The following SPAG16 variants were observed in gnomAD, a reference collection of about 807,000 sequenced individuals.
The protein encoded by SPAG16 is sperm-associated antigen 16 protein.
In SPAG16, 86 loss-of-function variants were observed where a neutral mutation model predicts 80.4. The observed-to-expected ratio is 1.07, with a 90% CI of 0.90 to 1.28. The LOEUF is 1.28. Ranked by LOEUF, SPAG16 falls within the 50% of genes most tolerant of loss-of-function variation. SPAG16 has a pLI of 0.00. For synonymous variants in SPAG16, 294 were observed against 265.9 expected, an observed-to-expected ratio of 1.11 and a Z score of -1.03; for missense variants, 870 against 765.3, an observed-to-expected ratio of 1.14 and a Z score of -1.61.
intron 9 of SPAG16, among the ~76,000 whole-genome samples, chr2:213,377,308 C>T (rs1174739881): frequency 6.6e-6 from 1 of 152,170 alleles, no homozygotes; most frequent in Non-Finnish European, 1.5e-5. Context: ...ACAACTAGAA[C>T]AGTGAGGTGT....
At chr2:214,323,321 AATAT>A (rs10564214) in intron 15 of SPAG16, among the ~76,000 whole-genome samples, 138,532 of 149,820 alleles carry the variant, frequency 0.92, 64,017 homozygotes, top group East Asian at 0.97. Flanking sequence ...TGTGAGATTA[AATAT>A]ATATATATAT....
At chr2:213,981,427 C>T (rs1213566816) in intron 12 of SPAG16, among the ~76,000 whole-genome samples, 5 of 152,072 alleles carry the variant, frequency 3.3e-5, no homozygotes, top group Non-Finnish European at 1.5e-5. Flanking sequence ...CAGTATCAAT[C>T]CAGACAGTGA....
At chr2:214,120,040 A>C (rs560245336) in intron 14 of SPAG16, among the ~76,000 whole-genome samples, 1 of 151,764 alleles carries the variant, frequency 6.6e-6, no homozygotes, top group Non-Finnish European at 1.5e-5. Context: ...TCTGGACTTG[A>C]TGTGTCTTCT....
intron 5 of SPAG16, among the ~76,000 whole-genome samples, chr2:213,328,230 G>A (rs924105404): frequency 6.6e-6 from 1 of 152,076 alleles, no homozygotes. Context: ...ATGCTTTAGA[G>A]CTAACTTGTT....
intron 10 of SPAG16, among the ~76,000 whole-genome samples, chr2:213,774,567 C>A (rs936780505): frequency 5.3e-5 from 8 of 152,108 alleles, no homozygotes; most frequent in African/African-American, 1.9e-4. Context: ...AGTTCATATT[C>A]TGAGTTAATG....
chr2:213,949,538 T>A (rs2079643124), intron 12 of SPAG16, among the ~76,000 whole-genome samples: 1 of 152,172 alleles, frequency 6.6e-6, no homozygotes, highest in Non-Finnish European at 1.5e-5. Flanking sequence ...TAAAAACATT[T>A]TGCCAAACAG....
At chr2:213,904,819 G>A (rs2077371268) in intron 11 of SPAG16, among the ~76,000 whole-genome samples, 1 of 152,030 alleles carries the variant, frequency 6.6e-6, no homozygotes, top group South Asian at 2.1e-4. Context: ...GAGATGAGTA[G>A]AAGGAGAAGA....
chr2:214,169,827 G>A (rs1223709420), intron 15 of SPAG16, among the ~76,000 whole-genome samples: 1 of 151,978 alleles, frequency 6.6e-6, no homozygotes, highest in Non-Finnish European at 1.5e-5. Flanking sequence ...AGTGAACTTG[G>A]TGATGAACAA....
At chr2:213,462,301 G>T (rs1048744410) in intron 9 of SPAG16, among the ~76,000 whole-genome samples, 43 of 152,146 alleles carry the variant, frequency 2.8e-4, no homozygotes, top group African/African-American at 9.4e-4. Context: ...AATTTCAGCT[G>T]GACACTATTA....
chr2:213,955,609 A>G (rs922948107), intron 12 of SPAG16, among the ~76,000 whole-genome samples: 3 of 152,180 alleles, frequency 2.0e-5, no homozygotes, highest in African/African-American at 7.2e-5. Context: ...TTTTGAAGTC[A>G]GGATTTTCCA....
intron 10 of SPAG16, among the ~76,000 whole-genome samples, chr2:213,691,651 CTGTT>C (rs1427563609): frequency 1.3e-5 from 2 of 152,224 alleles, no homozygotes; most frequent in African/African-American, 2.4e-5. Flanking sequence ...GCTAGAAACT[CTGTT>C]TGCCCTGCAC....
chr2:213,957,926 C>T (rs972431609), intron 12 of SPAG16, among the ~76,000 whole-genome samples: 1 of 152,114 alleles, frequency 6.6e-6, no homozygotes, highest in Non-Finnish European at 1.5e-5. Context: ...CTAGAAAAGC[C>T]CCGACTGGGA....
At chr2:213,953,368 G>A (rs1201581599) in intron 12 of SPAG16, among the ~76,000 whole-genome samples, 1 of 151,506 alleles carries the variant, frequency 6.6e-6, no homozygotes, top group Non-Finnish European at 1.5e-5. Flanking sequence ...AAATAGGTTG[G>A]GGGCCATTTA....
At chr2:213,776,167 G>A (rs776721288) in intron 10 of SPAG16, among the ~76,000 whole-genome samples, 4 of 152,222 alleles carry the variant, frequency 2.6e-5, no homozygotes, top group Non-Finnish European at 4.4e-5. Flanking sequence ...TTGTGACAGT[G>A]ATTAAGTTAG....
At chr2:214,024,534 G>C (rs139582171) in intron 13 of SPAG16, among the ~76,000 whole-genome samples, 78 of 151,620 alleles carry the variant, frequency 5.1e-4, no homozygotes, top group African/African-American at 1.8e-3. Flanking sequence ...TAAATGAATT[G>C]TAAAACATAA....
chr2:213,541,446 T>C (rs1575899681), intron 10 of SPAG16, among the ~76,000 whole-genome samples: 1 of 151,876 alleles, frequency 6.6e-6, no homozygotes, highest in Admixed American at 6.6e-5. Flanking sequence ...TGGTGAAATC[T>C]CTTCTCTACT....
chr2:214,259,853 G>A (rs1239892333), intron 15 of SPAG16, among the ~76,000 whole-genome samples: 2 of 152,008 alleles, frequency 1.3e-5, no homozygotes, highest in African/African-American at 4.8e-5. Context: ...TATCTACATA[G>A]AGAGCCAGAT....
At chr2:213,811,448 A>C (rs1364049774) in intron 10 of SPAG16, among the ~76,000 whole-genome samples, 1 of 152,254 alleles carries the variant, frequency 6.6e-6, no homozygotes, top group East Asian at 1.9e-4. Context: ...TGTGTTTTGC[A>C]CCTAATATGG....
chr2:214,366,940 C>T (rs943386864), intron 15 of SPAG16, among the ~76,000 whole-genome samples: 3 of 152,058 alleles, frequency 2.0e-5, no homozygotes, highest in Non-Finnish European at 2.9e-5. Context: ...CTTTTCAGAT[C>T]GAAGCCTTAA....
Sources: allele counts gnomAD v4.1 joint callset (sites outside exome capture counted in the v4.1 genomes callset), GRCh38; gene constraint gnomAD v4.1.1; transcripts MANE v1.5; gene names NCBI Gene and HGNC (gene_info 2026-07-23, HGNC 2026-07-21).